FAM184B: variants seen among roughly 807,000 people sequenced by gnomAD.
The protein encoded by FAM184B is protein FAM184B.
Under a neutral mutation model 135.9 loss-of-function variants are expected in FAM184B, and 111 were observed. That is an observed-to-expected ratio of 0.82 (90% CI 0.70 to 0.96). The LOEUF is 0.96. FAM184B is among the 40% of genes least tolerant of loss of function. FAM184B has a pLI of 0.00. For synonymous variants in FAM184B, 552 were observed against 524.8 expected, an observed-to-expected ratio of 1.05 and a Z score of -0.71; for missense variants, 1,375 against 1,323.9, an observed-to-expected ratio of 1.04 and a Z score of -0.60.
At chr4:17,651,660 CAAGT>C (rs935907751) in intron 11 of FAM184B, among the ~76,000 whole-genome samples, 2 of 151,198 alleles carry the variant, frequency 1.3e-5, no homozygotes, top group African/African-American at 4.9e-5. Flanking sequence ...TGCATTTACT[CAAGT>C]AATTGTCATT....
At position 17,642,099 on chromosome 4, in the gene FAM184B, C is replaced by T; in HGVS notation, c.2476G>A (p.Glu826Lys). The part of the protein sequence containing the change: ...DAVRRLRAEV[E>K]QHQQEAQKLR... ...TTCTGCGCCTCCTGCTGATGCTGCT[C>T]CACCTCCGCGCGCAGCCGCCGCACC... The change falls in exon 13 of 18, where the codon GAG becomes AAG. Residue 826 changes from glutamate to lysine, a missense_variant. Coordinates refer to ENST00000265018, the MANE Select transcript of FAM184B (RefSeq NM_015688.2). The T allele has an allele frequency of 1.3e-6, 2 of 1,532,822 alleles. No individual in the cohort carries two copies. The highest frequency in any genetic ancestry group is 1.4e-5 in the African/African-American group (1 of 72,368). 95.0% of individuals were successfully genotyped at this position (1,532,822 alleles called of 1,614,324 possible).
chr4:17,635,696 T>C (rs1013209659), intron 15 of FAM184B, among the ~76,000 whole-genome samples: 2 of 148,900 alleles, frequency 1.3e-5, no homozygotes, highest in African/African-American at 2.5e-5. Flanking sequence ...AAACCCATGA[T>C]ACCTTTGTTC....
Position 17,707,646 on chromosome 4 carries a change from C to T in FAM184B, c.1030+3G>A, listed in dbSNP as rs1717148462. 1 of 1,551,620 alleles carries T rather than the reference C, an allele frequency of 6.4e-7. No homozygotes were observed. Among genetic ancestry groups the T allele is most frequent in the Non-Finnish European group, 8.7e-7 (1 of 1,146,966 alleles). Reference sequence around the variant, plus strand: ...TTAAGGAAATCATTCCAGGGCATCTCACCTGTCTGCTGTGTCCCACGACAC... The same window carrying T: ...TTAAGGAAATCATTCCAGGGCATCTTACCTGTCTGCTGTGTCCCACGACAC... On this transcript the variant is annotated splice_donor_region_variant and intron_variant, in intron 3 of 17. Coordinates refer to ENST00000265018, the MANE Select transcript of FAM184B (RefSeq NM_015688.2).
intron 1 of FAM184B, among the ~76,000 whole-genome samples, chr4:17,767,113 C>T (rs967814315): frequency 1.3e-5 from 2 of 152,142 alleles, no homozygotes; most frequent in South Asian, 2.1e-4. Flanking sequence ...GCGGGGCCGC[C>T]GAGCCAACGC....
chr4:17,669,161 TG>T (rs1275881795), intron 7 of FAM184B, among the ~76,000 whole-genome samples: 2 of 152,184 alleles, frequency 1.3e-5, no homozygotes, highest in African/African-American at 4.8e-5. Context: ...CCAGTGAGGT[TG>T]GTTCATTGTT....
At chr4:17,754,553 GA>G (rs11329711) in intron 1 of FAM184B, among the ~76,000 whole-genome samples, 6,160 of 47,058 alleles carry the variant, frequency 0.13, 295 homozygotes, top group African/African-American at 0.25. Flanking sequence ...CTCTGTCTCA[GA>G]AAAAAAAAAA....
intron 1 of FAM184B, among the ~76,000 whole-genome samples, chr4:17,748,103 GAAAAAAA>G (rs58795222): frequency 2.8e-5 from 2 of 70,322 alleles, no homozygotes; most frequent in Admixed American, 4.1e-4. Context: ...GACTCCGTCT[GAAAAAAA>G]AAAAAAAAAA....
intron 1 of FAM184B, among the ~76,000 whole-genome samples, chr4:17,738,974 G>A (rs1717966526): frequency 6.6e-6 from 1 of 152,194 alleles, no homozygotes; most frequent in East Asian, 1.9e-4. Flanking sequence ...GCTTTTACCA[G>A]ATGCCCAGTC....
At chr4:17,651,464 G>A (rs563425676) in intron 11 of FAM184B, among the ~76,000 whole-genome samples, 1 of 145,510 alleles carries the variant, frequency 6.9e-6, no homozygotes, top group Non-Finnish European at 1.5e-5. Context: ...TGTGAACCCA[G>A]GAGGCGGAGC....
At position 17,732,127 on chromosome 4, in the gene FAM184B, T is replaced by C. The variant is rs547105268; in HGVS notation, c.142-22483A>G. Among the ~76,000 whole-genome samples the C allele has an allele frequency of 2.5e-3, 378 of 152,282 alleles. 3 individuals are homozygous for C. Among genetic ancestry groups the C allele is most frequent in the African/African-American group, 8.3e-3 (344 of 41,552 alleles). ...ATGAAGGCAGAAATAAAGATGTTCT[T>C]TGAAACCAACAAGAACAAAGACACA... On this transcript the variant is annotated intron_variant, in intron 1 of 17. Coordinates refer to ENST00000265018, the MANE Select transcript of FAM184B (RefSeq NM_015688.2).
intron 5 of FAM184B, among the ~76,000 whole-genome samples, chr4:17,695,374 C>T (rs1716832376): frequency 1.3e-5 from 2 of 152,010 alleles, no homozygotes; most frequent in African/African-American, 4.8e-5. Flanking sequence ...CTATGTAGCC[C>T]AGGCTGGTCT....
intron 5 of FAM184B, among the ~76,000 whole-genome samples, chr4:17,699,273 G>C (rs1474931543): frequency 6.8e-6 from 1 of 146,728 alleles, no homozygotes; most frequent in Admixed American, 7.1e-5. Context: ...GACAATATTA[G>C]AAGAGAAGCA....
At chr4:17,690,827 G>A (rs538955600) in intron 6 of FAM184B, among the ~76,000 whole-genome samples, 2 of 152,132 alleles carry the variant, frequency 1.3e-5, no homozygotes, top group Non-Finnish European at 2.9e-5. Context: ...GGCTTAAGGC[G>A]TAGGACCCAC....
intron 5 of FAM184B, among the ~76,000 whole-genome samples, chr4:17,702,299 C>T: frequency 6.6e-6 from 1 of 152,156 alleles, no homozygotes; most frequent in East Asian, 1.9e-4. Context: ...TCAGGAGGTG[C>T]TGAATACATC....
At chr4:17,717,169 T>G (rs1717414818) in intron 1 of FAM184B, among the ~76,000 whole-genome samples, 1 of 152,210 alleles carries the variant, frequency 6.6e-6, no homozygotes, top group Non-Finnish European at 1.5e-5. Flanking sequence ...CTCAGTTTTC[T>G]TGCCTGTAAA....
chr4:17,758,906 G>T (rs1718482730), intron 1 of FAM184B, among the ~76,000 whole-genome samples: 1 of 152,064 alleles, frequency 6.6e-6, no homozygotes. Context: ...AACACAAATG[G>T]GAATAAAAGA....
chr4:17,667,826 T>C (rs1198222155), intron 7 of FAM184B, among the ~76,000 whole-genome samples: 1 of 152,272 alleles, frequency 6.6e-6, no homozygotes, highest in Non-Finnish European at 1.5e-5. Flanking sequence ...CACCTGGTGC[T>C]GTTGCAGCTC....
intron 1 of FAM184B, among the ~76,000 whole-genome samples, chr4:17,764,594 C>A (rs1049933403): frequency 2.6e-5 from 4 of 152,194 alleles, no homozygotes; most frequent in African/African-American, 7.2e-5. Context: ...AGACAAAGTT[C>A]TTGTCCTCAA....
intron 1 of FAM184B, among the ~76,000 whole-genome samples, chr4:17,740,000 T>G (rs965423908): frequency 7.2e-5 from 11 of 152,140 alleles, no homozygotes; most frequent in African/African-American, 2.7e-4. Flanking sequence ...CCCTCCTTGT[T>G]CACTTTTGCA....
Sources: allele counts gnomAD v4.1 joint callset (sites outside exome capture counted in the v4.1 genomes callset), GRCh38; gene constraint gnomAD v4.1.1; transcripts MANE v1.5; gene names NCBI Gene and HGNC (gene_info 2026-07-23, HGNC 2026-07-21).